Variants in MICALL1 observed in about 807,000 individuals in gnomAD.
MICALL1 encodes MICAL like 1.
A neutral mutation model predicts 83.7 loss-of-function variants in MICALL1; 61 were observed. That is an observed-to-expected ratio of 0.73 (90% CI 0.59 to 0.90). The LOEUF (loss-of-function observed/expected upper bound fraction) is 0.90, where lower values mean the gene tolerates loss of function less well. Ranked by LOEUF, MICALL1 falls within the 40% of genes least tolerant of loss-of-function variation. MICALL1 has a pLI of 0.00. For missense variants in MICALL1, 1,066 were observed against 1,152.0 expected (o/e 0.93, Z 1.08); for synonymous variants, 481 against 473.6 (o/e 1.02, Z -0.20).
intron 6 of MICALL1, among the ~76,000 whole-genome samples, 161 bp downstream of exon 6, chr22:37,922,587 A>T (rs1423877023): frequency 2.7e-5 from 2 of 74,428 alleles, no homozygotes; most frequent in African/African-American, 1.1e-4. Flanking sequence ...TTATATATAT[A>T]TATATATATA....
At chr22:37,927,981 C>T (rs1929574238) in intron 9 of MICALL1, among the ~76,000 whole-genome samples, 155 bp downstream of exon 9, 2 of 151,514 alleles carry the variant, frequency 1.3e-5, no homozygotes, top group South Asian at 4.1e-4. Context: ...GATCTTGGCT[C>T]ACTGCAAGCT....
chr22:37,926,258 C>G (rs1388722859), intron 8 of MICALL1, among the ~76,000 whole-genome samples: 2 of 152,204 alleles, frequency 1.3e-5, no homozygotes, highest in Non-Finnish European at 2.9e-5. Flanking sequence ...AAGTAGTTTG[C>G]CTAAAGCCTC....
intron 8 of MICALL1, 137 bp downstream of exon 8, chr22:37,926,180 G>C: frequency 1.8e-6 from 2 of 1,141,584 alleles, no homozygotes; most frequent in Non-Finnish European, 2.4e-6. Flanking sequence ...TTTAATCCTA[G>C]AGCAAACCTG....
chr22:37,917,223 G>T (rs1159435461), intron 3 of MICALL1, among the ~76,000 whole-genome samples: 1 of 152,166 alleles, frequency 6.6e-6, no homozygotes, highest in Non-Finnish European at 1.5e-5. Context: ...GTTCTGGTGA[G>T]GGGGTGTGCA....
Position 37,931,860 on chromosome 22 carries a change from A to C in MICALL1, c.1943A>C (p.Lys648Thr), listed in dbSNP as rs201140058. ...KPSPAASPAT[K>T]KATKGSKPVR... ...TCACCTGCAGCGTCCCCAGCCACAA[A>C]GAAGGCCACCAAGGGATCCAAGCCA... The change falls in exon 10 of 16, where the codon AAG becomes ACG. Residue 648 changes from lysine to threonine, a missense_variant. Physicochemically the swap from Lys to Thr is moderately conservative, Grantham distance 78 (BLOSUM62 -1). Coordinates refer to ENST00000215957, the MANE Select transcript of MICALL1 (RefSeq NM_033386.4). The C allele has an allele frequency of 6.2e-7, 1 of 1,614,128 alleles. No individual in the cohort carries two copies. Among genetic ancestry groups the C allele is most frequent in the African/African-American group, 1.3e-5 (1 of 75,032 alleles).
chr22:37,925,685 C>T lies in MICALL1; in HGVS notation c.1107C>T (p.Pro369=), dbSNP rs758819918. The T allele has an allele frequency of 5.0e-6, 8 of 1,609,148 alleles. 1 individual carries two copies. In the South Asian group the frequency reaches 6.6e-5, roughly 13 times the overall value. The change falls in exon 8 of 16, where the codon CCC becomes CCT. Residue 369 remains proline, a synonymous_variant. Transcript: ENST00000215957. Reference sequence around the variant, plus strand: ...GGACACCAGCCCCCAGGAAGGACCCCCCATGGATCACGCTGGTGCAGGCAG... The same window carrying T: ...GGACACCAGCCCCCAGGAAGGACCCTCCATGGATCACGCTGGTGCAGGCAG... ...SEGTPAPRKD[P]PWITLVQAEP...
At chr22:37,937,870 G>A (rs141656544) in intron 15 of MICALL1, 78 bp downstream of exon 15, 17 of 1,587,018 alleles carry the variant, frequency 1.1e-5, no homozygotes, top group Middle Eastern at 3.5e-4. Context: ...ACTGGTTGAA[G>A]GGAGGGTTGG....
intron 15 of MICALL1, among the ~76,000 whole-genome samples, chr22:37,940,332 A>G (rs1267994418): frequency 2.6e-5 from 4 of 151,280 alleles, no homozygotes; most frequent in Non-Finnish European, 5.9e-5. Context: ...CTGAGGCAGG[A>G]GAATCGCCTG....
intron 4 of MICALL1, 40 bp from the exon 5 acceptor site, chr22:37,918,996 C>A (rs1286840117): frequency 7.9e-6 from 12 of 1,516,734 alleles, no homozygotes; most frequent in Non-Finnish European, 9.8e-6. Flanking sequence ...GGCTGGTGAC[C>A]ATGTCCTGCT....
At chr22:37,928,746 A>G (rs1294867151) in intron 9 of MICALL1, among the ~76,000 whole-genome samples, 2 of 152,074 alleles carry the variant, frequency 1.3e-5, no homozygotes, top group African/African-American at 4.8e-5. Context: ...TCCACTCACC[A>G]GCCACCAGTC....
At position 37,924,834 on chromosome 22, in the gene MICALL1, AG is replaced by A; in HGVS notation, c.1082+121del. 1 of 1,001,366 alleles carries A rather than the reference AG, an allele frequency of 1.0e-6. No homozygotes were observed. The highest frequency in any genetic ancestry group is 2.8e-5 in the East Asian group (1 of 35,758). 62.0% of individuals were successfully genotyped at this position (1,001,366 alleles called of 1,614,324 possible). ...GTGGATGGGCAGGGCGGGGCTCAGG[AG>A]GGGAAGGAGAGCTGGGCCCACACCC... On this transcript the variant is annotated intron_variant, in intron 7 of 15. Transcript: ENST00000215957. This position sits in a 1 kb window ranked among gnomAD's most constrained non-coding sequence, Gnocchi z 5.2.
intron 5 of MICALL1, among the ~76,000 whole-genome samples, chr22:37,919,699 T>C (rs1309159367): frequency 1.3e-5 from 2 of 151,446 alleles, no homozygotes; most frequent in Admixed American, 6.6e-5. Context: ...TTAAAAAATT[T>C]TTTTTTGGCC....
At position 37,919,098 on chromosome 22, in the gene MICALL1, G is replaced by T; in HGVS notation, c.489G>T (p.Thr163=). The part of the protein sequence containing the change: ...EQGTGQTPSS[T]CAACQQHVHL... The stretch of plus-strand genomic sequence containing the variant: ...GCACCGGCCAGACCCCCAGCAGCAC[G>T]TGCGCAGCCTGCCAGCAGCATGTGC... The change falls in exon 5 of 16, where the codon ACG becomes ACT. Residue 163 remains threonine, a synonymous_variant. Transcript: ENST00000215957. 1 of 1,552,010 alleles carries T rather than the reference G, an allele frequency of 6.4e-7. No individual in the cohort carries two copies. Among genetic ancestry groups the T allele is most frequent in the South Asian group, 1.2e-5 (1 of 84,178 alleles).
At chr22:37,921,708 C>T (rs978456632) in intron 5 of MICALL1, among the ~76,000 whole-genome samples, 6 of 152,382 alleles carry the variant, frequency 3.9e-5, no homozygotes, top group South Asian at 4.1e-4. Flanking sequence ...GGGACCTTTG[C>T]TTCTTCCTCT....
At position 37,930,126 on chromosome 22, in the gene MICALL1, CG is replaced by C. The variant is rs1929710175; in HGVS notation, c.1882-1672del. Among the ~76,000 whole-genome samples, 2 of 152,182 alleles carry C rather than the reference CG, an allele frequency of 1.3e-5. No homozygotes were observed. Among genetic ancestry groups the C allele is most frequent in the Admixed American group, 6.5e-5 (1 of 15,270 alleles). On this transcript the variant is annotated intron_variant, in intron 9 of 15. Coordinates refer to ENST00000215957, the MANE Select transcript of MICALL1 (RefSeq NM_033386.4). This position sits in a 1 kb window ranked among gnomAD's most constrained non-coding sequence, Gnocchi z 4.8. ...TTCTCGTGTTTCGTGTCCTGGGCTG[CG>C]TGAATATTGGTCTGAAGTTTTGGGG...
chr22:37,941,435 TCTCC>T lies in MICALL1; in HGVS notation c.*609_*612del. Reference sequence around the variant, plus strand: ...GGCCTGACGGGCAAATCCATCCCTCTCTCCCTCACAGTTCCAGGAGCGGCTTCCC... The same window carrying T: ...GGCCTGACGGGCAAATCCATCCCTCTCTCACAGTTCCAGGAGCGGCTTCCC... On this transcript the variant is annotated 3_prime_UTR_variant, in exon 16 of 16. Coordinates refer to ENST00000215957, the MANE Select transcript of MICALL1 (RefSeq NM_033386.4). The T allele has an allele frequency of 6.6e-6, 1 of 152,540 alleles. No homozygotes were observed. Among genetic ancestry groups the T allele is most frequent in the East Asian group, 1.9e-4 (1 of 5,168 alleles). 9.4% of individuals were successfully genotyped at this position (152,540 alleles called of 1,614,324 possible). A position where few individuals can be genotyped will look rare whatever the true frequency, so the allele number is the denominator to read the frequency against.
chr22:37,914,582 A>T (rs917245551), intron 3 of MICALL1, among the ~76,000 whole-genome samples: 14 of 151,486 alleles, frequency 9.2e-5, no homozygotes, highest in African/African-American at 3.4e-4. Flanking sequence ...ATACATATAT[A>T]TGTACATATA....
Position 37,912,418 on chromosome 22 carries a change from T to C in MICALL1, c.263T>C (p.Met88Thr). The C allele has an allele frequency of 6.2e-7, 1 of 1,614,088 alleles. No homozygotes were observed. Among genetic ancestry groups the C allele is most frequent in the South Asian group, 1.1e-5 (1 of 91,080 alleles). Residue 88 changes from methionine (M) to threonine (T), a missense_variant, in exon 3 of 16, where the codon ATG becomes ACG. Coordinates refer to ENST00000215957, the MANE Select transcript of MICALL1 (RefSeq NM_033386.4). ...ALLDPNDMVS[M>T]SVPDCLSIMT... ...CTGGACCCCAATGACATGGTCTCCATGAGCGTCCCTGACTGCCTCAGCATC... is the reference window on the plus strand; with the variant it reads ...CTGGACCCCAATGACATGGTCTCCACGAGCGTCCCTGACTGCCTCAGCATC...
chr22:37,933,062 A>T lies in MICALL1; in HGVS notation c.2258A>T (p.Gln753Leu). ...IYVFKQQNLEQRQADVEYELR... is the reference protein window; with the variant it reads ...IYVFKQQNLELRQADVEYELR... ...AGCTTCAAGCAGCAGAACCTGGAGCAGCGCCAGGCTGATGTCGAGTATGAG... is the reference window on the plus strand; with the variant it reads ...AGCTTCAAGCAGCAGAACCTGGAGCTGCGCCAGGCTGATGTCGAGTATGAG... The change falls in exon 13 of 16, where the codon CAG becomes CTG. Residue 753 changes from glutamine (Q) to leucine (L), a missense_variant. Coordinates refer to ENST00000215957, the MANE Select transcript of MICALL1 (RefSeq NM_033386.4). 1.2e-6 allele frequency: 2 copies of T among 1,614,038 alleles called. No homozygotes were observed. The highest frequency in any genetic ancestry group is 1.7e-6 in the Non-Finnish European group (2 of 1,180,000).
Sources: gnomAD v4.1 joint callset for allele counts (sites outside exome capture counted in the v4.1 genomes callset) on GRCh38, gnomAD v4.1.1 for gene constraint, Gnocchi (gnomAD v3.1) non-coding constraint, MANE v1.5 for transcripts, NCBI Gene and HGNC (gene_info 2026-07-23, HGNC 2026-07-21) for gene names.